MAD1L1: variants seen among roughly 807,000 people sequenced by gnomAD.
The protein encoded by MAD1L1 is mitotic spindle assembly checkpoint protein MAD1.
MAD1L1 carries 95 observed loss-of-function variants against 96.9 expected under a neutral mutation model. The ratio of observed to expected loss-of-function variants is 0.98; its 90% CI spans 0.83 to 1.16. MAD1L1 has a LOEUF of 1.16. Ranked by LOEUF, MAD1L1 falls within the 50% of genes most tolerant of loss-of-function variation. The pLI, the probability that MAD1L1 is intolerant of heterozygous loss-of-function variation, is 0.00. For missense variants in MAD1L1, 1,007 were observed against 954.4 expected, an observed-to-expected ratio of 1.06 and a Z score of -0.73; for synonymous variants, 473 against 396.6, an observed-to-expected ratio of 1.19 and a Z score of -2.29.
intron 11 of MAD1L1, among the ~76,000 whole-genome samples, chr7:2,122,159 G>A (rs747595707): frequency 5.3e-5 from 8 of 152,194 alleles, no homozygotes; most frequent in African/African-American, 1.4e-4. Context: ...AAGAGAGGTC[G>A]GAGCAGTGGC....
At position 1,851,588 on chromosome 7, in the gene MAD1L1, C is replaced by G. The variant is rs922610462; in HGVS notation, c.1999-35360G>C. On this transcript the variant is annotated intron_variant, in intron 18 of 18. Transcript: ENST00000265854. The stretch of plus-strand genomic sequence containing the variant: ...GGAATGCACGATTCCTGGAAAGTCA[C>G]CAATCACCAACCAAAACGGTCCCAA... Among the ~76,000 whole-genome samples the G allele has an allele frequency of 4.6e-5, 7 of 152,136 alleles. No individual in the cohort carries two copies. In the South Asian group the frequency reaches 1.5e-3, roughly 32 times the overall value.
At position 2,102,293 on chromosome 7, in the gene MAD1L1, T is replaced by TCACCACC. The variant is rs1786833990; in HGVS notation, c.1074-32956_1074-32955insGGTGGTG. On this transcript the variant is annotated intron_variant, in intron 11 of 18. Coordinates refer to ENST00000265854, the MANE Select transcript of MAD1L1 (RefSeq NM_001013836.2). Reference sequence around the variant, plus strand: ...TCACTATCACCACCACCACCGCCACTGTCACCATCACCACCGTCACCATCA... The same window carrying TCACCACC: ...TCACTATCACCACCACCACCGCCACTCACCACCGTCACCATCACCACCGTCACCATCA... Among the ~76,000 whole-genome samples, 3 of 142,204 alleles carry TCACCACC rather than the reference T, an allele frequency of 2.1e-5. 1 individual carries two copies. Among genetic ancestry groups the TCACCACC allele is most frequent in the African/African-American group, 8.2e-5 (3 of 36,734 alleles). The allele number at this position is 142,204 out of a possible 152,430, so 93.3% of individuals were successfully genotyped here. A position where few individuals can be genotyped will look rare whatever the true frequency, so the allele number is the denominator to read the frequency against.
rs368035156 is a variant in MAD1L1, at chr7:1,902,778, A to G, written c.1808-4388T>C. Reference sequence around the variant, plus strand: ...AAGCAAGGACGCAGTGGCCTACGGAAGACGATCTTGCGGAACTCATGATTG... The same window carrying G: ...AAGCAAGGACGCAGTGGCCTACGGAGGACGATCTTGCGGAACTCATGATTG... On this transcript the variant is annotated intron_variant, in intron 17 of 18. Coordinates refer to ENST00000265854, the MANE Select transcript of MAD1L1 (RefSeq NM_001013836.2). 9.9e-5 allele frequency among the ~76,000 whole-genome samples: 15 copies of G among 152,224 alleles called. No homozygotes were observed. In the East Asian group the frequency reaches 1.3e-3, roughly 14 times the overall value.
intron 12 of MAD1L1, among the ~76,000 whole-genome samples, chr7:2,038,498 C>CTTTTTTTTTTTTTTTTT (rs60466584): frequency 7.5e-5 from 7 of 92,822 alleles, no homozygotes; most frequent in Admixed American, 1.4e-4. Flanking sequence ...AAGCTGATGA[C>CTTTTTTTTTTTTTTTTT]TTTTTTTTTT....
Position 1,919,111 on chromosome 7 carries a change from G to A in MAD1L1, c.1807+17576C>T, listed in dbSNP as rs892673942. Among the ~76,000 whole-genome samples the A allele has an allele frequency of 3.3e-5, 5 of 152,362 alleles. No homozygotes were observed. The East Asian group carries it at 9.6e-4, about 29-fold the overall frequency. ...TCCCAGGAGTCTGCAGAGATCGTCC[G>A]CCTGTCACGCTCACCCTTGGTGCGG... is the stretch of plus-strand genomic sequence containing the variant. On this transcript the variant is annotated intron_variant, in intron 17 of 18. Coordinates refer to ENST00000265854, the MANE Select transcript of MAD1L1 (RefSeq NM_001013836.2).
chr7:2,216,113 C>T (rs1254518047), intron 8 of MAD1L1, 44 bp downstream of exon 8: 1 of 1,608,660 alleles, frequency 6.2e-7, no homozygotes, highest in African/African-American at 1.3e-5. Context: ...TGCACAAACC[C>T]AGACTCACTC....
intron 11 of MAD1L1, among the ~76,000 whole-genome samples, chr7:2,106,946 C>G (rs1787132657): frequency 6.6e-6 from 1 of 152,146 alleles, no homozygotes. Context: ...CTGGCCCAGT[C>G]CCCTAGAGGA....
chr7:2,186,254 G>C (rs1791454103), intron 10 of MAD1L1, among the ~76,000 whole-genome samples: 1 of 152,146 alleles, frequency 6.6e-6, no homozygotes. Context: ...TTAATGAAAT[G>C]GTATTCACTA....
chr7:2,041,903 C>A (rs184292385), intron 12 of MAD1L1, among the ~76,000 whole-genome samples: 55 of 152,336 alleles, frequency 3.6e-4, no homozygotes, highest in African/African-American at 1.2e-3. Flanking sequence ...GCACCCAGCT[C>A]CCCGCAGCAC....
chr7:2,115,487 C>T (rs897155074), intron 11 of MAD1L1, among the ~76,000 whole-genome samples: 2 of 149,732 alleles, frequency 1.3e-5, no homozygotes, highest in African/African-American at 2.5e-5. Flanking sequence ...AGGGTCCCCA[C>T]GTGTTCCGGG....
intron 11 of MAD1L1, among the ~76,000 whole-genome samples, chr7:2,074,202 G>T (rs1251080897): frequency 6.6e-6 from 1 of 152,124 alleles, no homozygotes; most frequent in Non-Finnish European, 1.5e-5. Flanking sequence ...GGGCTCGCTG[G>T]GCCTCCATTC....
At chr7:2,173,928 C>T (rs928800978) in intron 10 of MAD1L1, among the ~76,000 whole-genome samples, 2 of 152,148 alleles carry the variant, frequency 1.3e-5, no homozygotes, top group Admixed American at 1.3e-4. Context: ...CCCTCCGTAC[C>T]CTGAGTACCT....
At chr7:1,914,405 A>G (rs947942380) in intron 17 of MAD1L1, among the ~76,000 whole-genome samples, 1 of 152,226 alleles carries the variant, frequency 6.6e-6, no homozygotes, top group Non-Finnish European at 1.5e-5. Context: ...GGGAGGCAGG[A>G]AAGTCGGCTA....
intron 15 of MAD1L1, among the ~76,000 whole-genome samples, chr7:1,960,222 A>G (rs1779896550): frequency 6.6e-6 from 1 of 151,292 alleles, no homozygotes; most frequent in African/African-American, 2.4e-5. Context: ...TCAGAAAAAT[A>G]CCAAAGTGGA....
At chr7:1,906,049 CAAAAAAA>C (rs10570929) in intron 17 of MAD1L1, among the ~76,000 whole-genome samples, 2 of 91,976 alleles carry the variant, frequency 2.2e-5, no homozygotes, top group African/African-American at 4.4e-5. Context: ...GACTCCATCT[CAAAAAAA>C]AAAAAAAAAA....
chr7:2,141,676 C>T (rs1789040008), intron 11 of MAD1L1, among the ~76,000 whole-genome samples: 1 of 152,174 alleles, frequency 6.6e-6, no homozygotes, highest in South Asian at 2.1e-4. Flanking sequence ...GCCTGGTACC[C>T]ACCCACCCCC....
At chr7:2,090,485 A>T (rs1450069308) in intron 11 of MAD1L1, among the ~76,000 whole-genome samples, 1 of 152,216 alleles carries the variant, frequency 6.6e-6, no homozygotes, top group Non-Finnish European at 1.5e-5. Context: ...CAAGCACTGG[A>T]ACGGTGTCAC....
At chr7:2,145,368 C>G (rs908155868) in intron 11 of MAD1L1, among the ~76,000 whole-genome samples, 1 of 152,226 alleles carries the variant, frequency 6.6e-6, no homozygotes, top group African/African-American at 2.4e-5. Context: ...AGCTTCTTGC[C>G]TCTACCAACT....
intron 10 of MAD1L1, among the ~76,000 whole-genome samples, chr7:2,209,391 G>C (rs541458994): frequency 6.6e-6 from 1 of 152,182 alleles, no homozygotes; most frequent in Non-Finnish European, 1.5e-5. Context: ...CACAAAGGAC[G>C]TCTGACCTCA....
Sources: allele counts gnomAD v4.1 joint callset (sites outside exome capture counted in the v4.1 genomes callset), GRCh38; gene constraint gnomAD v4.1.1; transcripts MANE v1.5; gene names NCBI Gene and HGNC (gene_info 2026-07-23, HGNC 2026-07-21).